GRB10: variants seen among roughly 807,000 people sequenced by gnomAD.
GRB10 encodes growth factor receptor-bound protein 10.
Under a neutral mutation model 80.9 loss-of-function variants are expected in GRB10, and 20 were observed. The ratio of observed to expected loss-of-function variants is 0.25; its 90% CI spans 0.17 to 0.36. GRB10 has a LOEUF of 0.36. GRB10 is among the 10% of genes least tolerant of loss of function. GRB10 has a pLI of 1.00. For missense variants in GRB10, 548 were observed against 747.7 expected, an observed-to-expected ratio of 0.73 and a Z score of 3.12; for synonymous variants, 291 against 291.5, an observed-to-expected ratio of 1.00 and a Z score of 0.02.
At chr7:50,675,331 T>C (rs2060812635) in intron 5 of GRB10, among the ~76,000 whole-genome samples, 1 of 151,906 alleles carries the variant, frequency 6.6e-6, no homozygotes, top group African/African-American at 2.4e-5. Flanking sequence ...AGAGAGTAAG[T>C]GAGAGAGAGA....
In GRB10 at chr7:50,626,697, C is replaced by G. The variant is rs1256437271; in HGVS notation, c.661+125G>C. ...AGAAACAGGAGAGTCGAGGGGAACC[C>G]AGAGACTGCCTGCTAATTTCGCAGG... is the stretch of plus-strand genomic sequence containing the variant. On this transcript the variant is annotated intron_variant, in intron 8 of 18. Transcript: ENST00000401949. 2.8e-6 allele frequency: 3 copies of G among 1,081,422 alleles called. No homozygotes were observed. The African/African-American group carries it at 4.6e-5, about 17-fold the overall frequency. The allele number at this position is 1,081,422 out of a possible 1,614,324, so 67.0% of individuals were successfully genotyped here. A position where few individuals can be genotyped will look rare whatever the true frequency, so the allele number is the denominator to read the frequency against.
At chr7:50,787,606 C>T (rs2078748147), upstream of GRB10, among the ~76,000 whole-genome samples, 1 of 152,288 alleles carries the variant, frequency 6.6e-6, no homozygotes, top group South Asian at 2.1e-4. Flanking sequence ...TGTGTCCACT[C>T]ACTGCCCTGC....
At chr7:50,614,298 G>C (rs1563159474) in intron 12 of GRB10, among the ~76,000 whole-genome samples, 1 of 152,166 alleles carries the variant, frequency 6.6e-6, no homozygotes. Flanking sequence ...ACGTGTGTGT[G>C]CATGCCAGCA....
chr7:50,633,785 G>A (rs1001742143), intron 7 of GRB10, among the ~76,000 whole-genome samples: 1 of 152,118 alleles, frequency 6.6e-6, no homozygotes, highest in African/African-American at 2.4e-5. Flanking sequence ...TTCAACAATA[G>A]AGTAGACCAA....
intron 17 of GRB10, chr7:50,595,955 G>A (rs7802879): frequency 0.22 from 36,625 of 165,836 alleles, 4,405 homozygotes; most frequent in East Asian, 0.45. Context: ...CCATGAAATC[G>A]GAATCCGTGT....
intron 17 of GRB10, among the ~76,000 whole-genome samples, chr7:50,596,871 G>C (rs964267127): frequency 6.6e-6 from 1 of 152,068 alleles, no homozygotes; most frequent in African/African-American, 2.4e-5. Flanking sequence ...CACAAAAAAG[G>C]CATAAAATCA....
chr7:50,649,508 G>C (rs553236760), intron 7 of GRB10, among the ~76,000 whole-genome samples: 33 of 152,212 alleles, frequency 2.2e-4, no homozygotes, highest in Non-Finnish European at 4.0e-4. Flanking sequence ...CGACACACAC[G>C]GGGGAGGGAA....
rs955055069 is a variant in GRB10, at chr7:50,763,750, C to T, written c.-216-7694G>A. ...ATCCGCTAGCCCAGCTCATTGGCTG[C>T]GGAAGCATCTGAGAGTCATCCACTC... is the stretch of plus-strand genomic sequence containing the variant. On this transcript the variant is annotated intron_variant, in intron 2 of 18. Coordinates refer to ENST00000401949, the MANE Select transcript of GRB10 (RefSeq NM_001350814.2). Among the ~76,000 whole-genome samples the T allele has an allele frequency of 6.6e-5, 10 of 152,220 alleles. No homozygotes were observed. The South Asian group carries it at 8.3e-4, about 13-fold the overall frequency.
intron 2 of GRB10, among the ~76,000 whole-genome samples, chr7:50,765,602 CAG>C: frequency 6.6e-6 from 1 of 152,044 alleles, no homozygotes; most frequent in Non-Finnish European, 1.5e-5. Flanking sequence ...CTCATGAAGA[CAG>C]AGAGTAGATT....
At chr7:50,698,539 A>G (rs999812388) in intron 5 of GRB10, among the ~76,000 whole-genome samples, 2 of 152,220 alleles carry the variant, frequency 1.3e-5, no homozygotes, top group Non-Finnish European at 2.9e-5. Flanking sequence ...TTGCCACCCC[A>G]TGTGAACAGT....
chr7:50,614,143 A>AGG (rs2050087874), intron 12 of GRB10, among the ~76,000 whole-genome samples: 16 of 152,182 alleles, frequency 1.1e-4, no homozygotes, highest in Admixed American at 1.0e-3. Flanking sequence ...GTGTGTGCAC[A>AGG]TGTGTATGTG....
At chr7:50,648,146 A>G (rs570844290) in intron 7 of GRB10, among the ~76,000 whole-genome samples, 2 of 152,202 alleles carry the variant, frequency 1.3e-5, no homozygotes, top group South Asian at 4.2e-4. Flanking sequence ...GGGAGCGCAG[A>G]GAGGGGAGAC....
chr7:50,770,625 T>G (rs980038918), intron 2 of GRB10, among the ~76,000 whole-genome samples: 6 of 152,218 alleles, frequency 3.9e-5, no homozygotes, highest in Non-Finnish European at 7.3e-5. Context: ...CCGTCGCGAA[T>G]GCACAGCGGA....
At chr7:50,660,801 A>G (rs1359946413) in intron 7 of GRB10, among the ~76,000 whole-genome samples, 1 of 151,554 alleles carries the variant, frequency 6.6e-6, no homozygotes, top group Non-Finnish European at 1.5e-5. Flanking sequence ...TGAAGCCACA[A>G]GGGACCATCC....
At chr7:50,670,400 AAC>A (rs766799805) in intron 6 of GRB10, among the ~76,000 whole-genome samples, 25 of 152,106 alleles carry the variant, frequency 1.6e-4, no homozygotes, top group Non-Finnish European at 2.5e-4. Context: ...CCCTGAAAAA[AAC>A]AGTTAATATG....
chr7:50,628,420 A>AGGG (rs898960256), intron 7 of GRB10, among the ~76,000 whole-genome samples: 9 of 152,258 alleles, frequency 5.9e-5, no homozygotes, highest in African/African-American at 2.2e-4. Flanking sequence ...AGCAGAGGGA[A>AGGG]GGGCTGGGAG....
At chr7:50,695,480 G>GA (rs1469287158) in intron 5 of GRB10, among the ~76,000 whole-genome samples, 4 of 151,662 alleles carry the variant, frequency 2.6e-5, no homozygotes, top group Non-Finnish European at 5.9e-5. Context: ...CTTAAGCAGG[G>GA]GCAAAGAATA....
intron 7 of GRB10, 88 bp downstream of exon 7, chr7:50,669,634 T>C: frequency 7.5e-7 from 1 of 1,326,982 alleles, no homozygotes; most frequent in Non-Finnish European, 1.1e-6. Flanking sequence ...CCCGCCCTTC[T>C]TCCCAAAGTA....
rs2153557921 is a variant in GRB10 at position 50,592,253 on chromosome 7, AAC to A, written c.*697_*698del. ...GACATCTGAGCATAGAGAAATGATT[AAC>A]AGACTGTGGTTGCTTGACTGAGTCC... On this transcript the variant is annotated 3_prime_UTR_variant, in exon 19 of 19. Transcript: ENST00000401949. 6.4e-6 allele frequency: 1 copy of A among 155,506 alleles called. No individual in the cohort carries two copies. The highest frequency in any genetic ancestry group is 6.3e-5 in the Admixed American group (1 of 15,970). The allele number at this position is 155,506 out of a possible 1,614,324, so 9.6% of individuals were successfully genotyped here.
Sources: gnomAD v4.1 joint callset for allele counts (sites outside exome capture counted in the v4.1 genomes callset) on GRCh38, gnomAD v4.1.1 for gene constraint, MANE v1.5 for transcripts, NCBI Gene and HGNC (gene_info 2026-07-23, HGNC 2026-07-21) for gene names.